Variants in KIF26B observed in about 807,000 individuals in gnomAD.
The protein encoded by KIF26B is kinesin-like protein KIF26B.
In KIF26B, 63 loss-of-function variants were observed where a neutral mutation model predicts 151.2. The observed-to-expected ratio is 0.42, with a 90% CI of 0.34 to 0.51. The LOEUF is 0.51. KIF26B is among the 20% of genes least tolerant of loss of function. KIF26B has a pLI of 0.07. For missense variants in KIF26B, 2,813 were observed against 2,913.6 expected, an observed-to-expected ratio of 0.97 and a Z score of 0.79; for synonymous variants, 1,357 against 1,262.1, an observed-to-expected ratio of 1.08 and a Z score of -1.59.
intron 2 of KIF26B, among the ~76,000 whole-genome samples, chr1:245,165,268 T>G (rs775223886): frequency 1.6e-4 from 25 of 152,194 alleles, no homozygotes; most frequent in Middle Eastern, 3.4e-3. Context: ...CATGGGGAGC[T>G]GCTGAGATAC....
At chr1:245,199,005 C>CGGGGGTGGGGGAGGTG (rs1553333844) in intron 2 of KIF26B, among the ~76,000 whole-genome samples, 745 of 148,850 alleles carry the variant, frequency 5.0e-3, no homozygotes, top group Non-Finnish European at 6.0e-3. Context: ...GAGTCCCAAG[C>CGGGGGTGGGGGAGGTG]AGGGGACAGA....
At chr1:245,399,641 T>G (rs1334736241) in intron 3 of KIF26B, among the ~76,000 whole-genome samples, 1 of 152,202 alleles carries the variant, frequency 6.6e-6, no homozygotes, top group African/African-American at 2.4e-5. Context: ...TCTCAGCACT[T>G]TCATGCATCT....
chr1:245,250,288 T>G (rs149829055), intron 2 of KIF26B, among the ~76,000 whole-genome samples: 6 of 152,340 alleles, frequency 3.9e-5, no homozygotes, highest in African/African-American at 1.4e-4. Context: ...ATATTTTGTA[T>G]GCTTTAAAAT....
chr1:245,457,645 G>A (rs1431430897), intron 4 of KIF26B, among the ~76,000 whole-genome samples: 3 of 152,156 alleles, frequency 2.0e-5, no homozygotes, highest in African/African-American at 7.2e-5. Flanking sequence ...TATCATCTGA[G>A]TGTGTGCTTT....
chr1:245,435,375 T>C (rs1658892579), intron 4 of KIF26B, among the ~76,000 whole-genome samples: 1 of 152,188 alleles, frequency 6.6e-6, no homozygotes, highest in African/African-American at 2.4e-5. Flanking sequence ...GTATGGCTTT[T>C]GCTCTCCCGG....
At chr1:245,219,156 T>TTTTTTTG (rs1558349827) in intron 2 of KIF26B, among the ~76,000 whole-genome samples, 1 of 80,942 alleles carries the variant, frequency 1.2e-5, no homozygotes, top group Non-Finnish European at 2.6e-5. Flanking sequence ...TTTTTTTTTT[T>TTTTTTTG]GAGACGGAGT....
intron 4 of KIF26B, among the ~76,000 whole-genome samples, chr1:245,490,882 T>G (rs1660395196): frequency 1.3e-5 from 2 of 152,256 alleles, no homozygotes. Flanking sequence ...CCAGGTGTTT[T>G]GTGATTTCCG....
chr1:245,450,430 G>A (rs1659362048), intron 4 of KIF26B, among the ~76,000 whole-genome samples: 1 of 152,220 alleles, frequency 6.6e-6, no homozygotes, highest in Admixed American at 6.5e-5. Context: ...GAGGGAGAAA[G>A]GAGTCATGTT....
At chr1:245,661,684 T>TAC (rs1219608165) in intron 10 of KIF26B, among the ~76,000 whole-genome samples, 8 of 148,134 alleles carry the variant, frequency 5.4e-5, no homozygotes, top group Non-Finnish European at 8.9e-5. Context: ...TATATATATA[T>TAC]ACACCCAATG....
At chr1:245,432,460 A>G (rs1381452784) in intron 4 of KIF26B, among the ~76,000 whole-genome samples, 1 of 152,218 alleles carries the variant, frequency 6.6e-6, no homozygotes, top group Non-Finnish European at 1.5e-5. Flanking sequence ...AATAAACCAA[A>G]GAAAGATTTA....
At chr1:245,506,070 A>G (rs1489073892) in intron 4 of KIF26B, among the ~76,000 whole-genome samples, 1 of 152,196 alleles carries the variant, frequency 6.6e-6, no homozygotes, top group Non-Finnish European at 1.5e-5. Flanking sequence ...TACATCAAGT[A>G]TTTCCATCGA....
chr1:245,688,373 C>A lies in KIF26B; in HGVS notation c.5390C>A (p.Ser1797Tyr). 1 of 1,537,940 alleles carries A rather than the reference C, an allele frequency of 6.5e-7. No homozygotes were observed. The highest frequency in any genetic ancestry group is 8.7e-7 in the Non-Finnish European group (1 of 1,150,770). ...LSRNRSSGLA[S>Y]KLPLRAVSGR... ...AGGAACAGGAGCTCGGGCCTGGCCT[C>A]CAAGCTTCCCCTGCGGGCCGTCAGC... Residue 1797 changes from serine to tyrosine, a missense_variant, in exon 12 of 15, where the codon TCC becomes TAC. By Grantham distance (144) the Ser-to-Tyr change is moderately radical (BLOSUM62 -2). This residue lies in a region of KIF26B where 2,060 missense variants were observed against 2,088.6 expected (regional missense o/e 0.99). Coordinates refer to ENST00000407071, the MANE Select transcript of KIF26B (RefSeq NM_018012.4).
At chr1:245,574,316 G>T (rs2103124739) in intron 5 of KIF26B, among the ~76,000 whole-genome samples, 1 of 152,184 alleles carries the variant, frequency 6.6e-6, no homozygotes, top group South Asian at 2.1e-4. Flanking sequence ...GCTAATTTTT[G>T]TATTTTTGGT....
intron 10 of KIF26B, among the ~76,000 whole-genome samples, chr1:245,680,298 T>G (rs1027326825): frequency 6.6e-6 from 1 of 152,122 alleles, no homozygotes; most frequent in Non-Finnish European, 1.5e-5. Flanking sequence ...GGACATCTTT[T>G]AGAGTCCGCA....
chr1:245,228,825 C>A (rs1669930689), intron 2 of KIF26B, among the ~76,000 whole-genome samples: 1 of 152,172 alleles, frequency 6.6e-6, no homozygotes, highest in Admixed American at 6.5e-5. Context: ...GGAGCAGAGG[C>A]AGGAGCCTAG....
intron 2 of KIF26B, among the ~76,000 whole-genome samples, chr1:245,273,810 T>A (rs1670893105): frequency 6.6e-6 from 1 of 152,186 alleles, no homozygotes; most frequent in Admixed American, 6.5e-5. Context: ...GTTTTTAAAA[T>A]CCATTTAGCT....
At chr1:245,199,188 T>C (rs1420583715) in intron 2 of KIF26B, among the ~76,000 whole-genome samples, 2 of 152,122 alleles carry the variant, frequency 1.3e-5, no homozygotes, top group African/African-American at 4.8e-5. Flanking sequence ...AACCTCAAAC[T>C]TTCATCATTT....
At chr1:245,382,529 A>C (rs1228078391) in intron 3 of KIF26B, among the ~76,000 whole-genome samples, 2 of 127,300 alleles carry the variant, frequency 1.6e-5, no homozygotes, top group Non-Finnish European at 3.4e-5. Flanking sequence ...TTCTAAGCAC[A>C]GGTTTGTGTG....
chr1:245,459,879 T>C (rs1471482252), intron 4 of KIF26B, among the ~76,000 whole-genome samples: 2 of 149,556 alleles, frequency 1.3e-5, no homozygotes, highest in African/African-American at 4.9e-5. Context: ...TGATTCAAGA[T>C]CTCTCCTCCT....
Sources: allele counts gnomAD v4.1 joint callset (sites outside exome capture counted in the v4.1 genomes callset), GRCh38; gene constraint gnomAD v4.1.1; regional missense constraint gnomAD v4.1.1; transcripts MANE v1.5; gene names NCBI Gene and HGNC (gene_info 2026-07-23, HGNC 2026-07-21).